FASN: variants seen among roughly 807,000 people sequenced by gnomAD.
FASN encodes 3-hydroxyacyl-[acyl-carrier-protein] dehydratase.
Under a neutral mutation model 250.0 loss-of-function variants are expected in FASN, and 50 were observed. The observed-to-expected ratio is 0.20, with a 90% confidence interval of 0.16 to 0.25. FASN has a LOEUF of 0.25. FASN is among the 10% of genes least tolerant of loss of function. FASN has a pLI of 1.00. For missense variants in FASN, 3,031 were observed against 3,498.5 expected (o/e 0.87, Z 3.37); for synonymous variants, 1,909 against 1,584.0 (o/e 1.21, Z -4.87).
rs555776883 is a variant in FASN at position 82,086,343 on chromosome 17, G to A, written c.3643C>T (p.Leu1215Phe). 6.8e-6 allele frequency: 11 copies of A among 1,607,346 alleles called. No homozygotes were observed. Among genetic ancestry groups the A allele is most frequent in the Non-Finnish European group, 9.3e-6 (11 of 1,179,456 alleles). The part of the protein sequence containing the change: ...ERPKLPEDPL[L>F]SGLLDSPALK... ...GCCGGGGAGTCCAGGAGGCCGCTGA[G>A]CAGAGGGTCCTCTGGCAGCTTGGGC... is the stretch of plus-strand genomic sequence containing the variant. The change falls in exon 22 of 43, where the codon CTC (leucine) becomes TTC (phenylalanine). Residue 1215 changes from leucine to phenylalanine, a missense_variant. Leu to Phe is a conservative substitution (Grantham distance 22). Transcript: ENST00000306749.
Position 82,080,367 on chromosome 17 carries a change from C to A in FASN, c.7047+3G>T. On this transcript the variant is annotated splice_donor_region_variant and intron_variant, in intron 40 of 42. Transcript: ENST00000306749. ...AGGCCTCTAGGACCAGCCTGGCTCTCACCTGGGTGTAGGCCAGTACGTAGG... is the reference window on the plus strand; with the variant it reads ...AGGCCTCTAGGACCAGCCTGGCTCTAACCTGGGTGTAGGCCAGTACGTAGG... 6.2e-7 allele frequency: 1 copy of A among 1,603,834 alleles called. No individual in the cohort carries two copies. Among genetic ancestry groups the A allele is most frequent in the Non-Finnish European group, 8.5e-7 (1 of 1,175,898 alleles).
intron 37 of FASN, 86 bp downstream of exon 37, chr17:82,081,515 G>C: frequency 6.3e-7 from 1 of 1,597,180 alleles, no homozygotes; most frequent in East Asian, 2.2e-5. Flanking sequence ...GGGAAACTGA[G>C]GCGCACAGGG....
chr17:82,081,896 TGGCCAC>T, intron 36 of FASN, 53 bp from the exon 37 acceptor site: 1 of 251,794 alleles, frequency 4.0e-6, no homozygotes, highest in Non-Finnish European at 6.5e-6. Flanking sequence ...GGGTGGGGAG[TGGCCAC>T]TGGGAGAGGG....
intron 8 of FASN, 92 bp from the exon 9 acceptor site, chr17:82,091,776 G>C: frequency 8.2e-7 from 1 of 1,217,380 alleles, no homozygotes; most frequent in South Asian, 1.5e-5. Context: ...TCTCATGTGG[G>C]GCCAGGGTTC....
rs1285919785 is a variant in FASN at position 82,083,462 on chromosome 17, C to G, written c.5342-37G>C. 1.9e-6 allele frequency: 3 copies of G among 1,612,664 alleles called. No homozygotes were observed. The South Asian group carries it at 3.3e-5, about 18-fold the overall frequency. On this transcript the variant is annotated intron_variant, in intron 31 of 42. Transcript: ENST00000306749. ...GGCCGTGCTCACCCAGGGCCTTCCA[C>G]AGGTCCACCCACACCCATCCATGCC...
rs377032254 is a variant in FASN at position 82,081,045 on chromosome 17, C to T, written c.6595+119G>A. Reference sequence around the variant, plus strand: ...CGTCAGGTGGGAGTCGGGGTGGGAACGCTCAGAATGGCACCCGTGACGAAG... The same window carrying T: ...CGTCAGGTGGGAGTCGGGGTGGGAATGCTCAGAATGGCACCCGTGACGAAG... On this transcript the variant is annotated intron_variant, in intron 38 of 42. Coordinates refer to ENST00000306749, the MANE Select transcript of FASN (RefSeq NM_004104.5). 53 of 1,402,100 alleles carry T rather than the reference C, an allele frequency of 3.8e-5. No individual in the cohort carries two copies. In the African/African-American group the frequency reaches 5.7e-4, roughly 15 times the overall value. The allele number at this position is 1,402,100 out of a possible 1,614,324, so 86.9% of individuals were successfully genotyped here.
At chr17:82,090,856 T>C in intron 10 of FASN, 26 bp downstream of exon 10, 1 of 1,562,132 alleles carries the variant, frequency 6.4e-7, no homozygotes, top group Non-Finnish European at 8.7e-7. Flanking sequence ...CTGGCGTTGC[T>C]CACACGCTGG....
Position 82,083,891 on chromosome 17 carries a change from C to T in FASN, c.5099G>A (p.Gly1700Glu). The change falls in exon 30 of 43, where the codon GGG becomes GAG. Residue 1700 changes from glycine (G) to glutamate (E), a missense_variant and splice_region_variant. By Grantham distance (98) the Gly-to-Glu change is moderately conservative. Coordinates refer to ENST00000306749, the MANE Select transcript of FASN (RefSeq NM_004104.5). ...GAGGTACGCCCGCTTCTCAGCCGAC[C>T]CTGGTGAAGAGAGGAAGCGCGGCTG... ...SLGCRVFTTV[G>E]SAEKRAYLQA... is the part of the protein sequence containing the mutation. 1 of 1,564,448 alleles carries T rather than the reference C, an allele frequency of 6.4e-7. No individual in the cohort carries two copies. The highest frequency in any genetic ancestry group is 8.7e-7 in the Non-Finnish European group (1 of 1,154,422).
rs1357637906 is a variant in FASN at position 82,080,372 on chromosome 17, G to C, written c.7045C>G (p.Gln2349Glu). The C allele has an allele frequency of 2.5e-6, 4 of 1,603,850 alleles. No individual in the cohort carries two copies. Among genetic ancestry groups the C allele is most frequent in the Non-Finnish European group, 3.4e-6 (4 of 1,175,972 alleles). ...TCTAGGACCAGCCTGGCTCTCACCT[G>C]GGTGTAGGCCAGTACGTAGGTGGGC... is the stretch of plus-strand genomic sequence containing the variant. ...GSPTYVLAYT[Q>E]SYRAKLTPGC... The change falls in exon 40 of 43, where the codon CAG (glutamine) becomes GAG (glutamate). Residue 2349 changes from glutamine (Q) to glutamate (E), a missense_variant and splice_region_variant. Transcript: ENST00000306749.
In FASN at chr17:82,085,271, G is replaced by C. The variant is rs763488231; in HGVS notation, c.4254C>G (p.Asp1418Glu). The change falls in exon 24 of 43, where the codon GAC (aspartate) becomes GAG (glutamate). Residue 1418 changes from aspartate (D) to glutamate (E), a missense_variant. Transcript: ENST00000306749. ...ACTCCACCCAGCGGAAGCTGGTATC[G>C]TCCACCGGCAGGAAGATGGGGCTGT... is the stretch of plus-strand genomic sequence containing the variant. Reference protein sequence around the residue: ...PQDSPIFLPVDDTSFRWVESL... With the variant: ...PQDSPIFLPVEDTSFRWVESL... The C allele has an allele frequency of 1.1e-5, 18 of 1,611,574 alleles. No individual in the cohort carries two copies. In the East Asian group the frequency reaches 1.3e-4, roughly 12 times the overall value.
chr17:82,087,180 A>G lies in FASN; in HGVS notation c.3297T>C (p.Thr1099=). The stretch of plus-strand genomic sequence containing the variant: ...CCTGCTGCCGCCGCGGGGCCGACTC[A>G]GTGTGGAGCCCGGAGATGTGGACGC... ...AGGVHISGLH[T]ESAPRRQQEQ... is the part of the protein sequence containing the mutation. Residue 1099 remains threonine, a synonymous_variant, in exon 21 of 43, where the codon ACT becomes ACC. Coordinates refer to ENST00000306749, the MANE Select transcript of FASN (RefSeq NM_004104.5). The G allele has an allele frequency of 6.2e-7, 1 of 1,608,902 alleles. No homozygotes were observed. Among genetic ancestry groups the G allele is most frequent in the Non-Finnish European group, 8.5e-7 (1 of 1,178,756 alleles).
At position 82,081,488 on chromosome 17, in the gene FASN, C is replaced by A. The variant is rs774134925; in HGVS notation, c.6406+113G>T. The A allele has an allele frequency of 1.8e-5, 28 of 1,588,334 alleles. No individual in the cohort carries two copies. The Admixed American group carries it at 2.8e-4, about 16-fold the overall frequency. On this transcript the variant is annotated intron_variant, in intron 37 of 42. Transcript: ENST00000306749. ...CACCACAGTGACACCTGCGCCCGCA[C>A]CCTGGCTCTGCAGATGGGGAAACTG...
chr17:82,086,551 C>A lies in FASN; in HGVS notation c.3435G>T (p.Val1145=). 1 of 1,610,886 alleles carries A rather than the reference C, an allele frequency of 6.2e-7. No homozygotes were observed. Among genetic ancestry groups the A allele is most frequent in the South Asian group, 1.1e-5 (1 of 91,038 alleles). The stretch of plus-strand genomic sequence containing the variant: ...GGGTCACCTTGGTCTGCAGTGCCTG[C>A]ACCAGCCCTGGGGAGGGAGGGAGGC... ...QEELQLCKGL[V]QALQTKVTQQ... The change falls in exon 22 of 43, where the codon GTG becomes GTT. Residue 1145 remains valine, a synonymous_variant. Coordinates refer to ENST00000306749, the MANE Select transcript of FASN (RefSeq NM_004104.5).
In FASN at chr17:82,094,487, C is replaced by T. The variant is rs114802350; in HGVS notation, c.281-716G>A. Among the ~76,000 whole-genome samples the T allele has an allele frequency of 9.8e-3, 1,488 of 152,052 alleles. 21 individuals are homozygous for T. The highest frequency in any genetic ancestry group is 0.034 in the African/African-American group (1,424 of 41,494). ...TCCTTCTCCGCCCGGGGAGGGAGCA[C>T]CTGGATCTTAAGAAATGGCATGGCT... On this transcript the variant is annotated intron_variant, in intron 3 of 42. Transcript: ENST00000306749.
chr17:82,082,383 G>C lies in FASN; in HGVS notation c.5951C>G (p.Thr1984Ser). Reference protein sequence around the residue: ...VLRDGLLENQTPEFFQDVCKP... With the variant: ...VLRDGLLENQSPEFFQDVCKP... ...GCAGACGTCCTGGAAGAACTCTGGG[G>C]TCTGGTTCTCCAGCAAGCCATCTCT... The change falls in exon 35 of 43, where the codon ACC becomes AGC. Residue 1984 changes from threonine (T) to serine (S), a missense_variant. By Grantham distance (58) the Thr-to-Ser change is moderately conservative. Coordinates refer to ENST00000306749, the MANE Select transcript of FASN (RefSeq NM_004104.5). The C allele has an allele frequency of 6.2e-7, 1 of 1,612,886 alleles. No individual in the cohort carries two copies.
chr17:82,082,863 C>T (rs1360925300), intron 33 of FASN, 51 bp downstream of exon 33: 1 of 1,602,580 alleles, frequency 6.2e-7, no homozygotes. Context: ...GCTCAGGGGC[C>T]CGGGGCTGTG....
At position 82,084,709 on chromosome 17, in the gene FASN, A is replaced by G; in HGVS notation, c.4572T>C (p.Pro1524=). Residue 1524 remains proline (P), a synonymous_variant, in exon 27 of 43, where the codon CCT becomes CCC. Coordinates refer to ENST00000306749, the MANE Select transcript of FASN (RefSeq NM_004104.5). ...CAAAGGCATGTGCCGTCGGCTCCTCAGGCTTGTCTAGGGAAACAGGGAGGT... is the reference window on the plus strand; with the variant it reads ...CAAAGGCATGTGCCGTCGGCTCCTCGGGCTTGTCTAGGGAAACAGGGAGGT... ...FRHFLLEEDK[P]EEPTAHAFVS... is the part of the protein sequence containing the mutation. 1.3e-6 allele frequency: 2 copies of G among 1,560,514 alleles called. No homozygotes were observed. Among genetic ancestry groups the G allele is most frequent in the African/African-American group, 2.7e-5 (2 of 73,716 alleles).
At chr17:82,096,981 GA>G (rs2034315549) in intron 1 of FASN, 1 of 241,194 alleles carries the variant, frequency 4.1e-6, no homozygotes, top group Non-Finnish European at 8.4e-6. Flanking sequence ...GGGAGCCCTA[GA>G]GGGGGGTACT....
In FASN at chr17:82,082,340, G is replaced by A; in HGVS notation, c.5994C>T (p.Gly1998=). 6.2e-7 allele frequency: 1 copy of A among 1,612,778 alleles called. No homozygotes were observed. The highest frequency in any genetic ancestry group is 8.5e-7 in the Non-Finnish European group (1 of 1,179,988). Residue 1998 remains glycine, a synonymous_variant, in exon 35 of 43, where the codon GGC becomes GGT. Transcript: ENST00000306749. ...GTACCCACCTGTCCAGGTTCAGGGT[G>A]CCGCTGTACTTGGGCTTGCAGACGT... ...FQDVCKPKYS[G]TLNLDRVTRE...
Sources: gnomAD v4.1 joint callset for allele counts (sites outside exome capture counted in the v4.1 genomes callset) on GRCh38, gnomAD v4.1.1 for gene constraint, MANE v1.5 for transcripts, NCBI Gene and HGNC (gene_info 2026-07-23, HGNC 2026-07-21) for gene names.